SVOPL: variants seen among roughly 807,000 people sequenced by gnomAD.
SVOPL encodes the protein SVOP like.
A neutral mutation model predicts 61.0 loss-of-function variants in SVOPL; 60 were observed. The observed-to-expected ratio is 0.98, with a 90% CI of 0.80 to 1.22. The LOEUF (loss-of-function observed/expected upper bound fraction) is 1.22, where lower values mean the gene tolerates loss of function less well. Ranked by LOEUF, SVOPL falls within the 50% of genes most tolerant of loss-of-function variation. The probability of loss-of-function intolerance (pLI) is 0.00; values close to 1 mark genes in which losing one functional copy is unlikely to be tolerated. For synonymous variants in SVOPL, 279 were observed against 250.0 expected, an observed-to-expected ratio of 1.12 and a Z score of -1.09; for missense variants, 662 against 643.9, an observed-to-expected ratio of 1.03 and a Z score of -0.30.
chr7:138,701,002 T>C (rs10225514), intron 1 of SVOPL, among the ~76,000 whole-genome samples, 176 bp downstream of exon 1: 1,707 of 152,070 alleles, frequency 0.011, 25 homozygotes, highest in African/African-American at 0.039. Context: ...CCACAGTAGA[T>C]CTTTTTTAAA....
intron 4 of SVOPL, 30 bp downstream of exon 4, chr7:138,671,988 TG>T (rs5887896): frequency 1 from 1,548,739 of 1,548,742 alleles, 774,368 homozygotes; most frequent in Middle Eastern, 1. Context: ...CCTCAGTTGC[TG>T]TGTTCACGGC....
At position 138,623,523 on chromosome 7, in the gene SVOPL, C is replaced by G. The variant is rs539473969; in HGVS notation, c.1264-2388G>C. On this transcript the variant is annotated intron_variant, in intron 13 of 15. Transcript: ENST00000674285. The stretch of plus-strand genomic sequence containing the variant: ...GCTGAGGCAGGAGAATGGCGTGAAC[C>G]CGGGAGGTGGAGCTTGCAGTGAGCC... 3.0e-4 allele frequency among the ~76,000 whole-genome samples: 45 copies of G among 152,016 alleles called. 1 individual carries two copies. The highest frequency in any genetic ancestry group is 5.6e-4 in the Non-Finnish European group (38 of 68,018).
intron 14 of SVOPL, among the ~76,000 whole-genome samples, chr7:138,602,456 T>C (rs1399015929): frequency 0.059 from 1,090 of 18,620 alleles, 19 homozygotes; most frequent in South Asian, 0.22. Context: ...TATATATATA[T>C]ATATATATAT....
chr7:138,615,560 C>CAAAAAAAAAAAAAAAAAAAAAAAA, intron 14 of SVOPL, among the ~76,000 whole-genome samples: 1 of 5,542 alleles, frequency 1.8e-4, no homozygotes, highest in African/African-American at 3.3e-4. Flanking sequence ...ACTCCGTCTC[C>CAAAAAAAAAAAAAAAAAAAAAAAA]AAAAAAAAAA....
intron 14 of SVOPL, among the ~76,000 whole-genome samples, chr7:138,613,122 C>T (rs773784569): frequency 6.6e-5 from 10 of 151,662 alleles, no homozygotes; most frequent in African/African-American, 2.2e-4. Flanking sequence ...AGGGTTCCAG[C>T]GATTCTCCTG....
chr7:138,641,771 TAACTC>T lies in SVOPL; in HGVS notation c.789+2941_789+2945del, dbSNP rs563874602. 5.5e-3 allele frequency among the ~76,000 whole-genome samples: 793 copies of T among 144,416 alleles called. 4 individuals carry two copies. The highest frequency in any genetic ancestry group is 0.019 in the African/African-American group (754 of 39,622). 94.7% of individuals were successfully genotyped at this position (144,416 alleles called of 152,430 possible). On this transcript the variant is annotated intron_variant, in intron 9 of 15. Transcript: ENST00000674285. ...AGTCATTGTCTTTTTGAAAAACTGT[TAACTC>T]AAGAGGCAAAAATCTAGACGTATCA...
intron 9 of SVOPL, among the ~76,000 whole-genome samples, chr7:138,639,298 T>C (rs1800658564): frequency 6.6e-6 from 1 of 151,320 alleles, no homozygotes; most frequent in Non-Finnish European, 1.5e-5. Context: ...GAAGCCCACA[T>C]ATGCCAGGAG....
intron 13 of SVOPL, among the ~76,000 whole-genome samples, chr7:138,621,711 C>T (rs1340667516): frequency 6.6e-6 from 1 of 152,212 alleles, no homozygotes; most frequent in Non-Finnish European, 1.5e-5. Context: ...GCATGAGCCA[C>T]CATACCTGGC....
At chr7:138,634,085 A>C (rs946449345) in intron 9 of SVOPL, among the ~76,000 whole-genome samples, 1 of 152,238 alleles carries the variant, frequency 6.6e-6, no homozygotes, top group Non-Finnish European at 1.5e-5. Context: ...AAGGTTGTGT[A>C]CTAGCAGCTT....
intron 14 of SVOPL, among the ~76,000 whole-genome samples, chr7:138,608,107 A>G (rs1368327158): frequency 6.6e-6 from 1 of 152,248 alleles, no homozygotes; most frequent in Non-Finnish European, 1.5e-5. Context: ...AGCAAGGGCC[A>G]TAGGAGGAAA....
intron 14 of SVOPL, among the ~76,000 whole-genome samples, chr7:138,612,436 TAAAAAAAAAATAAAAAAA>T (rs1799088038): frequency 5.6e-5 from 1 of 17,856 alleles, no homozygotes; most frequent in African/African-American, 2.3e-4. Context: ...AAATAAAAAA[TAAAAAAAAAATAAAAAAA>T]AAAAAAAAAG....
intron 3 of SVOPL, 102 bp from the exon 4 acceptor site, chr7:138,672,219 C>T: frequency 9.3e-7 from 1 of 1,070,030 alleles, no homozygotes. Flanking sequence ...TCCCCTTTGT[C>T]CTTCCCCATT....
chr7:138,612,626 C>T (rs1463954149), intron 14 of SVOPL, among the ~76,000 whole-genome samples: 1 of 151,762 alleles, frequency 6.6e-6, no homozygotes, highest in Non-Finnish European at 1.5e-5. Context: ...AGGGATTCTC[C>T]TGCCTCAGCC....
chr7:138,670,003 G>A (rs1293415333), intron 4 of SVOPL, among the ~76,000 whole-genome samples: 1 of 152,102 alleles, frequency 6.6e-6, no homozygotes, highest in African/African-American at 2.4e-5. Flanking sequence ...CTTGGCTGAT[G>A]TTACTTCCTA....
chr7:138,652,826 A>T (rs915470990), intron 7 of SVOPL, among the ~76,000 whole-genome samples: 2 of 152,000 alleles, frequency 1.3e-5, no homozygotes, highest in Admixed American at 6.6e-5. Flanking sequence ...GGGTTTCACC[A>T]TGTTAGCCAG....
At chr7:138,631,979 CACACAT>C (rs993765894) in intron 9 of SVOPL, among the ~76,000 whole-genome samples, 7 of 151,858 alleles carry the variant, frequency 4.6e-5, no homozygotes, top group South Asian at 2.1e-4. Flanking sequence ...CACACACACA[CACACAT>C]ACACACACCC....
chr7:138,694,004 GTTAT>G (rs1181669406), intron 1 of SVOPL, among the ~76,000 whole-genome samples: 1 of 152,146 alleles, frequency 6.6e-6, no homozygotes, highest in Non-Finnish European at 1.5e-5. Flanking sequence ...ATTAAAGGGA[GTTAT>G]AATTCTTCTC....
intron 1 of SVOPL, among the ~76,000 whole-genome samples, chr7:138,687,787 G>A (rs377076091): frequency 6.7e-6 from 1 of 149,374 alleles, no homozygotes; most frequent in South Asian, 2.1e-4. Flanking sequence ...CTTACAACTC[G>A]ATAATAAAAA....
chr7:138,675,199 G>A (rs1802527944), intron 3 of SVOPL, among the ~76,000 whole-genome samples: 1 of 149,926 alleles, frequency 6.7e-6, no homozygotes, highest in African/African-American at 2.5e-5. Context: ...TGAGGAGTTT[G>A]AGACCAGCCT....
Sources: gnomAD v4.1 joint callset for allele counts (sites outside exome capture counted in the v4.1 genomes callset) on GRCh38, gnomAD v4.1.1 for gene constraint, MANE v1.5 for transcripts, NCBI Gene and HGNC (gene_info 2026-07-23, HGNC 2026-07-21) for gene names.